The following PGM5 variants were observed in gnomAD, a reference collection of about 807,000 sequenced individuals.
PGM5 encodes phosphoglucomutase-like protein 5.
A neutral mutation model predicts 59.2 loss-of-function variants in PGM5; 23 were observed. The ratio of observed to expected loss-of-function variants is 0.39; its 90% confidence interval spans 0.28 to 0.55. The LOEUF (loss-of-function observed/expected upper bound fraction) is 0.55. Among genes scored for constraint, PGM5 ranks in the 20% least tolerant of loss-of-function variants. The pLI is 0.66. For synonymous variants in PGM5, 214 were observed against 286.0 expected (o/e 0.75, Z 2.54); for missense variants, 574 against 748.3 (o/e 0.77, Z 2.72).
At chr9:68,376,831 T>C (rs868979507) in intron 1 of PGM5, among the ~76,000 whole-genome samples, 23 of 90,864 alleles carry the variant, frequency 2.5e-4, no homozygotes, top group African/African-American at 6.4e-4. Context: ...CTTTCTTTCT[T>C]TCTCTTTCTT....
Position 68,529,728 on chromosome 9 carries a change from T to C in PGM5, c.*72T>C, listed in dbSNP as rs911128663. 2.2e-6 allele frequency: 2 copies of C among 889,492 alleles called. No individual in the cohort carries two copies. Among genetic ancestry groups the C allele is most frequent in the Admixed American group, 3.1e-5 (1 of 32,370 alleles). 55.1% of individuals were successfully genotyped at this position (889,492 alleles called of 1,614,324 possible). A position where few individuals can be genotyped will look rare whatever the true frequency, so the allele number is the denominator to read the frequency against. ...AGATGCTTCACTGATGCCTTCTTGC[T>C]ACCTGTTTGTGCCTCTTATGACTTT... On this transcript the variant is annotated 3_prime_UTR_variant, in exon 11 of 11. Transcript: ENST00000396396.
intron 10 of PGM5, among the ~76,000 whole-genome samples, chr9:68,524,830 G>A (rs1372781904): frequency 2.0e-5 from 3 of 152,202 alleles, no homozygotes; most frequent in Admixed American, 2.0e-4. Context: ...CAGTAGAGGA[G>A]CCCACTGTAT....
At chr9:68,371,436 G>A (rs1241930454) in intron 1 of PGM5, among the ~76,000 whole-genome samples, 2 of 152,176 alleles carry the variant, frequency 1.3e-5, no homozygotes, top group Non-Finnish European at 2.9e-5. Flanking sequence ...GAGTAAAATG[G>A]TACTTTAAGG....
chr9:68,386,627 A>G (rs1411354768), intron 3 of PGM5, among the ~76,000 whole-genome samples: 2 of 152,084 alleles, frequency 1.3e-5, no homozygotes, highest in African/African-American at 4.8e-5. Flanking sequence ...AAAACAATAT[A>G]CGTAAGTTTC....
At chr9:68,498,769 G>C (rs916347047) in intron 9 of PGM5, 1 of 160,502 alleles carries the variant, frequency 6.2e-6, no homozygotes, top group South Asian at 1.8e-4. Flanking sequence ...TGCCAGCAGA[G>C]GAACCTGCAG....
At chr9:68,476,953 G>A (rs1483782713) in intron 7 of PGM5, among the ~76,000 whole-genome samples, 1 of 152,034 alleles carries the variant, frequency 6.6e-6, no homozygotes, top group African/African-American at 2.4e-5. Flanking sequence ...AGAACAAAAG[G>A]GTATTTTTCT....
chr9:68,398,507 G>T (rs1378839603), intron 6 of PGM5: 1 of 152,228 alleles, frequency 6.6e-6, no homozygotes, highest in Non-Finnish European at 1.5e-5. Context: ...CAGGGGAGAG[G>T]TCAGGGTGAC....
chr9:68,525,266 A>T (rs913542176), intron 10 of PGM5, among the ~76,000 whole-genome samples: 2 of 152,160 alleles, frequency 1.3e-5, no homozygotes, highest in Admixed American at 6.5e-5. Context: ...TTTTCATCAA[A>T]TATATCATTC....
intron 6 of PGM5, among the ~76,000 whole-genome samples, chr9:68,431,311 C>T (rs1333108759): frequency 1.3e-5 from 2 of 152,160 alleles, no homozygotes; most frequent in East Asian, 1.9e-4. Context: ...CCTCTTTCTT[C>T]GCATTCTCCT....
At chr9:68,450,657 C>A (rs1823680982) in intron 6 of PGM5, among the ~76,000 whole-genome samples, 1 of 152,182 alleles carries the variant, frequency 6.6e-6, no homozygotes, top group African/African-American at 2.4e-5. Flanking sequence ...CATTTGGTTT[C>A]ATGAGGGGGG....
At chr9:68,516,335 G>T (rs934246340) in intron 10 of PGM5, among the ~76,000 whole-genome samples, 20 of 152,234 alleles carry the variant, frequency 1.3e-4, no homozygotes, top group African/African-American at 4.3e-4. Context: ...CACAATTCCA[G>T]ACTAGTAGAA....
chr9:68,492,924 A>G (rs565169683), intron 9 of PGM5, among the ~76,000 whole-genome samples: 19 of 152,318 alleles, frequency 1.2e-4, no homozygotes, highest in African/African-American at 4.3e-4. Flanking sequence ...GACGCTTTCC[A>G]GATAAATCGT....
At chr9:68,399,498 A>G (rs1348313447) in intron 6 of PGM5, among the ~76,000 whole-genome samples, 9 of 152,004 alleles carry the variant, frequency 5.9e-5, no homozygotes, top group African/African-American at 1.9e-4. Flanking sequence ...TATCCAGTAG[A>G]CTAGATAGAG....
At chr9:68,402,113 A>C (rs1273710042) in intron 6 of PGM5, among the ~76,000 whole-genome samples, 1 of 151,970 alleles carries the variant, frequency 6.6e-6, no homozygotes, top group Admixed American at 6.6e-5. Context: ...AAAATGCAAA[A>C]ATTAGCTGGG....
chr9:68,480,890 G>C (rs1420436454), intron 8 of PGM5, among the ~76,000 whole-genome samples: 1 of 152,162 alleles, frequency 6.6e-6, no homozygotes, highest in South Asian at 2.1e-4. Flanking sequence ...CTTGCTAGGA[G>C]TGTGAACCTA....
intron 7 of PGM5, among the ~76,000 whole-genome samples, chr9:68,476,187 C>A (rs183711455): frequency 2.5e-4 from 38 of 152,296 alleles, no homozygotes; most frequent in Admixed American, 2.6e-4. Flanking sequence ...CCCGTCAAAC[C>A]TTTGCTAACC....
At chr9:68,362,658 T>G (rs1217579437) in intron 1 of PGM5, among the ~76,000 whole-genome samples, 1 of 152,112 alleles carries the variant, frequency 6.6e-6, no homozygotes, top group African/African-American at 2.4e-5. Context: ...ATGTGTCAAA[T>G]TATTCTAATC....
rs1000179827 is a variant in PGM5, at chr9:68,480,178, C to T, written c.1295+625C>T. On this transcript the variant is annotated intron_variant, in intron 8 of 10. Coordinates refer to ENST00000396396, the MANE Select transcript of PGM5 (RefSeq NM_021965.4). ...TTGGTAACTATCATGGCTGTGAGAG[C>T]CGTGCAGTCAAACCAGAGGCATTTC... Among the ~76,000 whole-genome samples the T allele has an allele frequency of 5.9e-4, 90 of 152,206 alleles. 1 individual carries two copies. The highest frequency in any genetic ancestry group is 4.6e-4 in the Admixed American group (7 of 15,278).
At chr9:68,510,146 ATTTTTT>A (rs10580007) in intron 10 of PGM5, among the ~76,000 whole-genome samples, 1 of 86,824 alleles carries the variant, frequency 1.2e-5, no homozygotes, top group Non-Finnish European at 2.1e-5. Context: ...TGAAATCAGC[ATTTTTT>A]TTTTTTTTTT....
Sources: gnomAD v4.1 joint callset for allele counts (sites outside exome capture counted in the v4.1 genomes callset) on GRCh38, gnomAD v4.1.1 for gene constraint, MANE v1.5 for transcripts, NCBI Gene and HGNC (gene_info 2026-07-23, HGNC 2026-07-21) for gene names.